The following MAN1A2 variants were observed in gnomAD, a reference collection of about 807,000 sequenced individuals.
The protein encoded by MAN1A2 is mannosyl-oligosaccharide 1,2-alpha-mannosidase IB.
A neutral mutation model predicts 75.7 loss-of-function variants in MAN1A2; 26 were observed. The ratio of observed to expected loss-of-function variants is 0.34; its 90% CI spans 0.25 to 0.48. MAN1A2 has a LOEUF of 0.48. MAN1A2 is among the 20% of genes least tolerant of loss of function. The pLI, the probability that MAN1A2 is intolerant of heterozygous loss-of-function variation, is 0.99. For synonymous variants in MAN1A2, 247 were observed against 264.6 expected (o/e 0.93, Z 0.65); for missense variants, 562 against 775.5 (o/e 0.72, Z 3.27).
At chr1:117,497,099 A>C in intron 10 of MAN1A2, 117 bp downstream of exon 10, 1 of 680,110 alleles carries the variant, frequency 1.5e-6, no homozygotes, top group Non-Finnish European at 2.4e-6. Flanking sequence ...GTTTACACCA[A>C]CAAGGCAAAT....
intron 5 of MAN1A2, among the ~76,000 whole-genome samples, chr1:117,432,943 CT>C (rs1225901333): frequency 2.0e-5 from 3 of 147,960 alleles, no homozygotes; most frequent in East Asian, 2.0e-4. Flanking sequence ...CTTTTATATT[CT>C]TTTTATATAA....
intron 6 of MAN1A2, among the ~76,000 whole-genome samples, chr1:117,444,134 A>G (rs930720166): frequency 6.6e-6 from 1 of 152,144 alleles, no homozygotes; most frequent in Non-Finnish European, 1.5e-5. Context: ...TTCTCACTCA[A>G]TAATACTCCA....
At chr1:117,501,225 G>A (rs1290476142) in intron 11 of MAN1A2, among the ~76,000 whole-genome samples, 1 of 151,704 alleles carries the variant, frequency 6.6e-6, no homozygotes, top group Non-Finnish European at 1.5e-5. Context: ...TAGCCTATAT[G>A]CACAAACACA....
intron 8 of MAN1A2, among the ~76,000 whole-genome samples, chr1:117,471,780 A>C (rs1156577493): frequency 6.6e-6 from 1 of 151,906 alleles, no homozygotes; most frequent in East Asian, 1.9e-4. Flanking sequence ...TCTAATTCAC[A>C]TTCTTCCTTT....
intron 12 of MAN1A2, among the ~76,000 whole-genome samples, chr1:117,506,299 G>A (rs760427653): frequency 1.3e-5 from 2 of 151,452 alleles, no homozygotes; most frequent in Non-Finnish European, 3.0e-5. Context: ...TGATTGTCAC[G>A]GCAGTGGCAA....
chr1:117,490,536 C>A (rs957474966), intron 8 of MAN1A2, among the ~76,000 whole-genome samples: 1 of 152,020 alleles, frequency 6.6e-6, no homozygotes, highest in African/African-American at 2.4e-5. Flanking sequence ...TGAAAGACAA[C>A]AATATTAATA....
intron 8 of MAN1A2, among the ~76,000 whole-genome samples, chr1:117,466,861 C>G (rs1649997483): frequency 6.6e-6 from 1 of 152,032 alleles, no homozygotes; most frequent in South Asian, 2.1e-4. Flanking sequence ...GCATCCTGGC[C>G]TTCATTATTT....
At chr1:117,387,228 A>AG (rs953217469) in intron 1 of MAN1A2, among the ~76,000 whole-genome samples, 1 of 151,646 alleles carries the variant, frequency 6.6e-6, no homozygotes, top group Non-Finnish European at 1.5e-5. Context: ...AAAAAAAAAA[A>AG]AAAAAAACAA....
intron 7 of MAN1A2, among the ~76,000 whole-genome samples, chr1:117,464,925 A>C (rs939951458): frequency 6.6e-6 from 1 of 152,208 alleles, no homozygotes; most frequent in African/African-American, 2.4e-5. Context: ...TTATACAAAG[A>C]TATTACCAGA....
chr1:117,480,320 C>G (rs1200294007), intron 8 of MAN1A2, among the ~76,000 whole-genome samples: 4 of 151,876 alleles, frequency 2.6e-5, no homozygotes, highest in Admixed American at 1.3e-4. Context: ...AATTTTTTCT[C>G]TCTGTGCCTT....
At chr1:117,435,429 T>C (rs1053766216) in intron 5 of MAN1A2, among the ~76,000 whole-genome samples, 1 of 152,176 alleles carries the variant, frequency 6.6e-6, no homozygotes, top group Non-Finnish European at 1.5e-5. Context: ...CTCACATGTG[T>C]GGTCAATCCT....
At chr1:117,458,523 A>ATATTTTTTTTTTTTTTTTTTT (rs1553236643) in intron 6 of MAN1A2, among the ~76,000 whole-genome samples, 1 of 105,610 alleles carries the variant, frequency 9.5e-6, no homozygotes, top group Non-Finnish European at 2.0e-5. Flanking sequence ...ATATATATAT[A>ATATTTTTTTTTTTTTTTTTTT]TTTTTTTTTT....
intron 10 of MAN1A2, among the ~76,000 whole-genome samples, chr1:117,497,298 A>G (rs1370778333): frequency 2.0e-5 from 3 of 152,030 alleles, no homozygotes; most frequent in Admixed American, 6.6e-5. Context: ...TTCAGCTTCT[A>G]TAAAAACAGT....
chr1:117,414,988 T>G (rs1195751826), intron 4 of MAN1A2, among the ~76,000 whole-genome samples, 157 bp downstream of exon 4: 1 of 152,012 alleles, frequency 6.6e-6, no homozygotes, highest in Non-Finnish European at 1.5e-5. Context: ...TGGGAGGTGA[T>G]TAGGTCATGA....
chr1:117,523,030 G>T lies in MAN1A2; in HGVS notation c.*73G>T. ...CCACTACAGAAATTAGTTTGAAGGG[G>T]CGGCTTTTGAAAACCTGGACCTCTA... is the stretch of plus-strand genomic sequence containing the variant. On this transcript the variant is annotated 3_prime_UTR_variant, in exon 13 of 13. Coordinates refer to ENST00000356554, the MANE Select transcript of MAN1A2 (RefSeq NM_006699.5). The T allele has an allele frequency of 6.4e-7, 1 of 1,569,892 alleles. No homozygotes were observed. Among genetic ancestry groups the T allele is most frequent in the Admixed American group, 1.7e-5 (1 of 58,742 alleles).
intron 8 of MAN1A2, among the ~76,000 whole-genome samples, chr1:117,485,239 A>C (rs371040088): frequency 3.9e-5 from 6 of 152,104 alleles, no homozygotes; most frequent in East Asian, 3.9e-4. Context: ...AGACAGAGGA[A>C]TAAGAAGTTA....
intron 1 of MAN1A2, among the ~76,000 whole-genome samples, chr1:117,370,292 G>A (rs963041107): frequency 2.6e-5 from 4 of 152,156 alleles, no homozygotes; most frequent in African/African-American, 9.7e-5. Context: ...CTGAGTTTTG[G>A]CTAGTAAGAG....
intron 4 of MAN1A2, among the ~76,000 whole-genome samples, chr1:117,417,097 G>T (rs148611896): frequency 6.6e-6 from 1 of 152,160 alleles, no homozygotes; most frequent in East Asian, 1.9e-4. Flanking sequence ...AAGGGAGCCA[G>T]TTGGTAAATT....
At chr1:117,439,568 A>C (rs901624122) in intron 5 of MAN1A2, among the ~76,000 whole-genome samples, 1 of 151,258 alleles carries the variant, frequency 6.6e-6, no homozygotes, top group African/African-American at 2.4e-5. Flanking sequence ...ATCTCGGTTC[A>C]CTGCAACCTC....
Sources: gnomAD v4.1 joint callset for allele counts (sites outside exome capture counted in the v4.1 genomes callset) on GRCh38, gnomAD v4.1.1 for gene constraint, MANE v1.5 for transcripts, NCBI Gene and HGNC (gene_info 2026-07-23, HGNC 2026-07-21) for gene names.